Variants in COL18A1 observed in about 807,000 individuals in gnomAD.
The protein encoded by COL18A1 is collagen alpha-1(XVIII) chain.
In COL18A1, 133 loss-of-function variants were observed where a neutral mutation model predicts 168.0. That is an observed-to-expected ratio of 0.79 (90% CI 0.69 to 0.91). COL18A1 has a LOEUF of 0.91. COL18A1 is among the 40% of genes least tolerant of loss of function. The pLI is 0.00. For missense variants in COL18A1, 2,126 were observed against 1,925.4 expected, an observed-to-expected ratio of 1.10 and a Z score of -1.95; for synonymous variants, 949 against 809.0, an observed-to-expected ratio of 1.17 and a Z score of -2.94.
intron 23 of COL18A1, 21 bp from the exon 24 acceptor site, chr21:45,492,666 A>G: frequency 6.2e-7 from 1 of 1,611,576 alleles, no homozygotes; most frequent in East Asian, 2.2e-5. Flanking sequence ...ACCCCAGCTG[A>G]CGCCGTCCCT....
chr21:45,416,643 T>G (rs984148702), intron 2 of COL18A1, among the ~76,000 whole-genome samples: 2 of 152,172 alleles, frequency 1.3e-5, no homozygotes, highest in Non-Finnish European at 2.9e-5. Context: ...ACCCGGCATC[T>G]CTTAGATTCC....
At position 45,456,064 on chromosome 21, in the gene COL18A1, G is replaced by A. The variant is rs771496335; in HGVS notation, c.107-12178G>A. ...CCAGCCGTGGCATTCCTAGCTCTCC[G>A]GGCGCCCACACAACCGAGGCTGGCA... is the stretch of plus-strand genomic sequence containing the variant. On this transcript the variant is annotated intron_variant, in intron 2 of 41. Transcript: ENST00000651438. 7.7e-5 allele frequency: 123 copies of A among 1,605,128 alleles called. No individual in the cohort carries two copies. Among genetic ancestry groups the A allele is most frequent in the South Asian group, 1.8e-4 (16 of 90,920 alleles).
intron 15 of COL18A1, among the ~76,000 whole-genome samples, chr21:45,484,422 A>G (rs183054420): frequency 6.9e-6 from 1 of 144,734 alleles, no homozygotes; most frequent in African/African-American, 2.6e-5. Context: ...CCTCTCCAGC[A>G]TATGTGAGCA....
In COL18A1 at chr21:45,504,473, G is replaced by T; in HGVS notation, c.2785G>T (p.Gly929Cys). 1 of 1,608,464 alleles carries T rather than the reference G, an allele frequency of 6.2e-7. No homozygotes were observed. Among genetic ancestry groups the T allele is most frequent in the Non-Finnish European group, 8.5e-7 (1 of 1,178,212 alleles). ...GAAAGGCGAAAGGGGGGAGCCCGGG[G>T]GCGGCGGTTTCTTCGGCTCCAGCCT... ...GQKGERGEPG[G>C]GGFFGSSLPG... Residue 929 changes from glycine to cysteine, a missense_variant, in exon 34 of 42, where the codon GGC (glycine) becomes TGC (cysteine). Physicochemically the swap from Gly to Cys is radical, Grantham distance 159 (BLOSUM62 -3). Coordinates refer to ENST00000651438, the MANE Select transcript of COL18A1 (RefSeq NM_001379500.1).
Position 45,443,141 on chromosome 21 carries a change from TGCTGGTGTGGGC to T in COL18A1, c.107-25099_107-25088del, listed in dbSNP as rs2034428122. ...GCGGCGGTGCTGGTGTGGGCGGCGG[TGCTGGTGTGGGC>T]GGCGGTGCTGGTGTGGGTGGATTCC... On this transcript the variant is annotated intron_variant, in intron 2 of 41. Transcript: ENST00000651438. The surrounding 1 kb of genome is among the most constrained non-coding windows in gnomAD (Gnocchi z 5.2). Among the ~76,000 whole-genome samples the T allele has an allele frequency of 8.8e-6, 1 of 113,426 alleles. No homozygotes were observed. The highest frequency in any genetic ancestry group is 3.3e-5 in the African/African-American group (1 of 30,764). The allele number at this position is 113,426 out of a possible 152,430, so 74.4% of individuals were successfully genotyped here.
intron 2 of COL18A1, chr21:45,409,875 C>T (rs1420978242): frequency 2.0e-5 from 3 of 152,256 alleles, no homozygotes; most frequent in Non-Finnish European, 2.9e-5. Context: ...GACAGCCAGC[C>T]CAGGCAGGGA....
At chr21:45,503,410 A>G (rs2146060335) in intron 32 of COL18A1, among the ~76,000 whole-genome samples, 1 of 152,030 alleles carries the variant, frequency 6.6e-6, no homozygotes, top group Non-Finnish European at 1.5e-5. Context: ...CCACTTTTTG[A>G]TGGGGTTGTT....
intron 2 of COL18A1, among the ~76,000 whole-genome samples, chr21:45,418,828 C>T (rs529643712): frequency 1.2e-3 from 183 of 151,872 alleles, no homozygotes; most frequent in African/African-American, 3.9e-3. Context: ...CCTGTGCCTG[C>T]GGCCCTGCGA....
At chr21:45,503,889 G>T in intron 32 of COL18A1, 122 bp from the exon 33 acceptor site, 1 of 936,062 alleles carries the variant, frequency 1.1e-6, no homozygotes, top group Non-Finnish European at 1.7e-6. Context: ...TTAAATACGC[G>T]ATCTCTACCG....
At chr21:45,476,578 T>C in intron 6 of COL18A1, 98 bp downstream of exon 6, 3 of 1,393,588 alleles carry the variant, frequency 2.2e-6, no homozygotes. Flanking sequence ...TGATGTATGG[T>C]GTGTGTAGTG....
intron 2 of COL18A1, chr21:45,420,672 G>A (rs1452419829): frequency 1.3e-5 from 2 of 152,410 alleles, no homozygotes; most frequent in African/African-American, 2.4e-5. Context: ...GGCAACAGGA[G>A]GGCGAGTGGG....
chr21:45,508,326 G>A (rs2037359213), intron 38 of COL18A1, among the ~76,000 whole-genome samples: 1 of 151,696 alleles, frequency 6.6e-6, no homozygotes, highest in Admixed American at 6.6e-5. Context: ...TGGGTGAGTG[G>A]ATAGATGGGC....
chr21:45,423,492 C>CTG lies in COL18A1; in HGVS notation c.106+18019_106+18020insTG, dbSNP rs2033689185. On this transcript the variant is annotated intron_variant, in intron 2 of 41. Transcript: ENST00000651438. This position sits in a 1 kb window ranked among gnomAD's most constrained non-coding sequence, Gnocchi z 4.0. Reference sequence around the variant, plus strand: ...CCACACACAGCTGGGCGCCCGCCCCCCGCCCCCCGCCCCCCGGAGGGCCCG... The same window carrying CTG: ...CCACACACAGCTGGGCGCCCGCCCCCTGCGCCCCCCGCCCCCCGGAGGGCCCG... Among the ~76,000 whole-genome samples, 21 of 151,102 alleles carry CTG rather than the reference C, an allele frequency of 1.4e-4. 1 individual carries two copies. The South Asian group carries it at 4.5e-3, about 33-fold the overall frequency.
At chr21:45,427,029 A>G (rs2838923) in intron 2 of COL18A1, among the ~76,000 whole-genome samples, 63,810 of 152,026 alleles carry the variant, frequency 0.42, 15,548 homozygotes, top group African/African-American at 0.68. Flanking sequence ...AGGTGCAGAC[A>G]CCCCAGCTTC....
chr21:45,487,373 C>A, intron 16 of COL18A1, 74 bp from the exon 17 acceptor site: 1 of 1,551,202 alleles, frequency 6.4e-7, no homozygotes, highest in Non-Finnish European at 8.8e-7. Flanking sequence ...TCCTCTCGGG[C>A]AGTGCCACCC....
intron 40 of COL18A1, 49 bp from the exon 41 acceptor site, chr21:45,511,062 A>G (rs1392664048): frequency 1.6e-6 from 1 of 641,970 alleles, no homozygotes; most frequent in African/African-American, 3.3e-5. Flanking sequence ...ACCCACACCC[A>G]TCCACACCCC....
At chr21:45,503,097 G>T (rs1348789265) in intron 32 of COL18A1, 3 of 152,188 alleles carry the variant, frequency 2.0e-5, no homozygotes, top group Admixed American at 6.5e-5. Context: ...GTAATGGGAT[G>T]GCTGGGTCAA....
chr21:45,482,485 C>T lies in COL18A1; in HGVS notation c.1675-310C>T. 1.4e-5 allele frequency: 8 copies of T among 574,670 alleles called. 1 individual carries two copies. The highest frequency in any genetic ancestry group is 9.5e-5 in the South Asian group (5 of 52,654). 35.6% of individuals were successfully genotyped at this position (574,670 alleles called of 1,614,324 possible). On this transcript the variant is annotated intron_variant, in intron 14 of 41. Coordinates refer to ENST00000651438, the MANE Select transcript of COL18A1 (RefSeq NM_001379500.1). ...GCAGGGGACGCGGGCTGTAAATGCC[C>T]CTCACTGCTCTAAGCCTGTGGCTGA...
intron 29 of COL18A1, chr21:45,496,096 T>TCCATGCCCTCTATGCCC: frequency 8.1e-6 from 3 of 369,870 alleles, no homozygotes; most frequent in South Asian, 6.2e-5. Context: ...CTCTATGCCC[T>TCCATGCCCTCTATGCCC]CCATGCCCTC....
Sources: allele counts gnomAD v4.1 joint callset (sites outside exome capture counted in the v4.1 genomes callset), GRCh38; gene constraint gnomAD v4.1.1; non-coding constraint Gnocchi (gnomAD v3.1); transcripts MANE v1.5; gene names NCBI Gene and HGNC (gene_info 2026-07-23, HGNC 2026-07-21).